RNF38: variants seen among roughly 807,000 people sequenced by gnomAD.
RNF38 encodes the protein ring finger protein 38, also known as E3 ubiquitin-protein ligase RNF38.
In RNF38, 15 loss-of-function variants were observed where a neutral mutation model predicts 67.2. That is an observed-to-expected ratio of 0.22 (90% CI 0.15 to 0.34). The LOEUF is 0.34. Ranked by LOEUF, RNF38 falls within the 10% of genes least tolerant of loss-of-function variation. The probability of loss-of-function intolerance (pLI) is 1.00; values close to 1 mark genes in which losing one functional copy is unlikely to be tolerated. For synonymous variants in RNF38, 220 were observed against 218.8 expected, an observed-to-expected ratio of 1.01 and a Z score of -0.05; for missense variants, 524 against 639.9, an observed-to-expected ratio of 0.82 and a Z score of 1.95.
At chr9:36,460,644 T>C (rs1219205590) in intron 1 of RNF38, among the ~76,000 whole-genome samples, 2 of 151,874 alleles carry the variant, frequency 1.3e-5, no homozygotes, top group Non-Finnish European at 2.9e-5. Flanking sequence ...TCCCAGCACT[T>C]TGGGAGGCCA....
At chr9:36,370,040 T>C in intron 3 of RNF38, 108 bp from the exon 4 acceptor site, 1 of 872,700 alleles carries the variant, frequency 1.1e-6, no homozygotes, top group Non-Finnish European at 1.7e-6. Context: ...GTAAGCTTCA[T>C]TATTAAATAA....
At chr9:36,340,304 G>A (rs1832745802) in intron 11 of RNF38, among the ~76,000 whole-genome samples, 1 of 152,154 alleles carries the variant, frequency 6.6e-6, no homozygotes, top group African/African-American at 2.4e-5. Context: ...TAGTAGGTCT[G>A]TTAAAATATA....
At chr9:36,380,694 A>G (rs75973012) in intron 2 of RNF38, among the ~76,000 whole-genome samples, 1,678 of 151,998 alleles carry the variant, frequency 0.011, 29 homozygotes, top group African/African-American at 0.038. Context: ...AGGTCTCACT[A>G]TATTGCCCAG....
At chr9:36,455,464 A>C (rs1839565372) in intron 1 of RNF38, among the ~76,000 whole-genome samples, 1 of 152,152 alleles carries the variant, frequency 6.6e-6, no homozygotes, top group South Asian at 2.1e-4. Context: ...CTCCAGAAGG[A>C]AGCTAAGGAG....
chr9:36,347,347 C>T (rs1294084852), intron 9 of RNF38, among the ~76,000 whole-genome samples: 1 of 152,022 alleles, frequency 6.6e-6, no homozygotes, highest in African/African-American at 2.4e-5. Context: ...TACTGCATGC[C>T]ACAGATACGA....
At chr9:36,425,216 T>C (rs1167079822) in intron 1 of RNF38, among the ~76,000 whole-genome samples, 1 of 152,230 alleles carries the variant, frequency 6.6e-6, no homozygotes, top group Non-Finnish European at 1.5e-5. Flanking sequence ...TGCTCTTTAA[T>C]AATAGTTACA....
chr9:36,376,800 C>A (rs1835821204), intron 2 of RNF38, among the ~76,000 whole-genome samples: 1 of 151,932 alleles, frequency 6.6e-6, no homozygotes, highest in Non-Finnish European at 1.5e-5. Flanking sequence ...GTGGCACATG[C>A]CTGTAATCCC....
At chr9:36,427,862 C>A (rs1217518479) in intron 1 of RNF38, among the ~76,000 whole-genome samples, 5 of 151,550 alleles carry the variant, frequency 3.3e-5, no homozygotes, top group Non-Finnish European at 7.4e-5. Context: ...AAGTATGTAC[C>A]ACCATGCCTG....
intron 1 of RNF38, among the ~76,000 whole-genome samples, chr9:36,472,352 T>G (rs902901148): frequency 6.6e-6 from 1 of 152,214 alleles, no homozygotes; most frequent in Non-Finnish European, 1.5e-5. Context: ...TCATTTTTCC[T>G]TCCTAGGTAT....
At chr9:36,428,546 C>T (rs1052823161) in intron 1 of RNF38, among the ~76,000 whole-genome samples, 2 of 151,962 alleles carry the variant, frequency 1.3e-5, no homozygotes, top group Non-Finnish European at 2.9e-5. Context: ...GAGCCTTGGT[C>T]ATCTTTATGA....
At chr9:36,376,710 G>A (rs557235841) in intron 2 of RNF38, among the ~76,000 whole-genome samples, 13 of 152,232 alleles carry the variant, frequency 8.5e-5, no homozygotes, top group Middle Eastern at 3.4e-3. Context: ...TGGATCACTG[G>A]AGGTCAGGAG....
In RNF38 at chr9:36,348,976, GA is replaced by G. The variant is rs552731199; in HGVS notation, c.1263+2138del. Among the ~76,000 whole-genome samples, 14 of 152,304 alleles carry G rather than the reference GA, an allele frequency of 9.2e-5. No homozygotes were observed. In the South Asian group the frequency reaches 2.5e-3, roughly 27 times the overall value. ...AGAACAGGCTGACTCTTTTTGGGGG[GA>G]TAACACAGCTGGTGACTGTAGGCTG... On this transcript the variant is annotated intron_variant, in intron 9 of 11. Transcript: ENST00000259605.
At chr9:36,484,142 A>G (rs1367223025) in intron 1 of RNF38, among the ~76,000 whole-genome samples, 3 of 152,224 alleles carry the variant, frequency 2.0e-5, no homozygotes, top group African/African-American at 7.2e-5. Flanking sequence ...GAGTTTTCTC[A>G]GAATCAGATG....
intron 9 of RNF38, among the ~76,000 whole-genome samples, chr9:36,345,362 A>G (rs1305396040): frequency 6.6e-6 from 1 of 152,176 alleles, no homozygotes; most frequent in Non-Finnish European, 1.5e-5. Flanking sequence ...AGATGGTATC[A>G]TTTCATTTGT....
chr9:36,436,856 A>G (rs1764920788), intron 1 of RNF38, among the ~76,000 whole-genome samples: 1 of 151,530 alleles, frequency 6.6e-6, no homozygotes, highest in African/African-American at 2.4e-5. Context: ...GAACATAAGT[A>G]TAATATAAAA....
chr9:36,425,561 G>A (rs1168944718), intron 1 of RNF38, among the ~76,000 whole-genome samples: 1 of 152,152 alleles, frequency 6.6e-6, no homozygotes, highest in South Asian at 2.1e-4. Context: ...ACGCGTGGTG[G>A]CGCACCCCTG....
intron 2 of RNF38, among the ~76,000 whole-genome samples, chr9:36,386,221 T>A (rs16933266): frequency 1.3e-5 from 2 of 152,174 alleles, no homozygotes; most frequent in Non-Finnish European, 2.9e-5. Context: ...TTCTTTCTAA[T>A]AGGATTTGCT....
chr9:36,452,651 G>C (rs1321274921), intron 1 of RNF38, among the ~76,000 whole-genome samples: 1 of 151,844 alleles, frequency 6.6e-6, no homozygotes, highest in Non-Finnish European at 1.5e-5. Context: ...TCCTGCCTCA[G>C]CCTCCCAAGT....
upstream of RNF38, chr9:36,400,537 G>A: frequency 2.0e-6 from 2 of 990,298 alleles, no homozygotes; most frequent in Non-Finnish European, 2.4e-6. Context: ...GCAGCCAACG[G>A]CCGCGGCGGC....
Sources: allele counts gnomAD v4.1 joint callset (sites outside exome capture counted in the v4.1 genomes callset), GRCh38; gene constraint gnomAD v4.1.1; transcripts MANE v1.5; gene names NCBI Gene and HGNC (gene_info 2026-07-23, HGNC 2026-07-21).